MREG: variants seen among roughly 807,000 people sequenced by gnomAD.
MREG encodes dilute suppressor protein homolog.
A neutral mutation model predicts 28.5 loss-of-function variants in MREG; 31 were observed. That is an observed-to-expected ratio of 1.09 (90% CI 0.82 to 1.47). MREG has a LOEUF of 1.47. Ranked by LOEUF, MREG falls within the 40% of genes most tolerant of loss-of-function variation. The pLI is 0.00. For missense variants in MREG, 256 were observed against 257.4 expected, an observed-to-expected ratio of 0.99 and a Z score of 0.04; for synonymous variants, 106 against 95.2, an observed-to-expected ratio of 1.11 and a Z score of -0.66.
intron 2 of MREG, among the ~76,000 whole-genome samples, chr2:215,958,972 C>A (rs2105977607): frequency 6.6e-6 from 1 of 152,152 alleles, no homozygotes; most frequent in East Asian, 1.9e-4. Flanking sequence ...AGGAAAGCAA[C>A]AATATCCTGC....
chr2:216,033,683 C>G (rs1477416383), upstream of MREG: 1 of 152,368 alleles, frequency 6.6e-6, no homozygotes, highest in African/African-American at 2.4e-5. Flanking sequence ...GTGGGCCTAC[C>G]TATCTTGGAG....
intron 2 of MREG, among the ~76,000 whole-genome samples, chr2:215,978,868 T>C (rs772175106): frequency 6.6e-6 from 1 of 152,230 alleles, no homozygotes; most frequent in Non-Finnish European, 1.5e-5. Flanking sequence ...AAACTAGGTA[T>C]TGATGGAACA....
At chr2:215,993,792 G>C (rs982892357) in intron 2 of MREG, among the ~76,000 whole-genome samples, 1 of 152,010 alleles carries the variant, frequency 6.6e-6, no homozygotes, top group African/African-American at 2.4e-5. Context: ...ACATTTGTGC[G>C]GCCAACAAAC....
intron 3 of MREG, among the ~76,000 whole-genome samples, chr2:215,946,576 C>T (rs1463220448): frequency 6.6e-6 from 1 of 152,162 alleles, no homozygotes; most frequent in Non-Finnish European, 1.5e-5. Flanking sequence ...AAGTGTTTTT[C>T]CCAACCTCGA....
chr2:215,945,002 A>G lies in MREG; in HGVS notation c.511-5T>C. ...ATCAAGTGCAATGAGACGGTCCTGC[A>G]AAAACAAACAACAAACCAAAAAACT... On this transcript the variant is annotated splice_polypyrimidine_tract_variant and splice_region_variant and intron_variant, in intron 4 of 4. Coordinates refer to ENST00000263268, the MANE Select transcript of MREG (RefSeq NM_018000.3). 1 of 1,563,054 alleles carries G rather than the reference A, an allele frequency of 6.4e-7. No homozygotes were observed. Among genetic ancestry groups the G allele is most frequent in the Non-Finnish European group, 8.8e-7 (1 of 1,141,934 alleles).
upstream of MREG, among the ~76,000 whole-genome samples, chr2:216,013,861 G>A (rs79110444): frequency 6.6e-3 from 1,008 of 151,640 alleles, 42 homozygotes; most frequent in East Asian, 0.1. Context: ...TTTGATGTCA[G>A]CTCCACACAG....
chr2:216,004,433 T>C (rs1463603285), intron 1 of MREG, among the ~76,000 whole-genome samples: 1 of 151,996 alleles, frequency 6.6e-6, no homozygotes, highest in Non-Finnish European at 1.5e-5. Context: ...TCTCAAGTAC[T>C]TAAAACAGTG....
Position 216,031,691 on chromosome 2 carries a change from GAGAA to G in MREG, c.-68+1094_-68+1097del, listed in dbSNP as rs1395273679. 1.1e-3 allele frequency among the ~76,000 whole-genome samples: 66 copies of G among 61,160 alleles called. 3 individuals carry two copies. Among genetic ancestry groups the G allele is most frequent in the East Asian group, 1.3e-3 (2 of 1,600 alleles). 40.1% of individuals were successfully genotyped at this position (61,160 alleles called of 152,430 possible). On this transcript the variant is annotated intron_variant, in intron 1 of 3. Coordinates refer to the MREG transcript ENST00000420348. ...AGAAAGAAAGAAAGAAAGAAAGAAA[GAGAA>G]AGAAAGAAAGAAAGAAAGGGAAATG...
intron 2 of MREG, among the ~76,000 whole-genome samples, chr2:215,994,064 A>G (rs903032029): frequency 2.0e-5 from 3 of 151,988 alleles, no homozygotes; most frequent in African/African-American, 7.3e-5. Flanking sequence ...ATTACTGGGT[A>G]TATACCCAAA....
intron 2 of MREG, among the ~76,000 whole-genome samples, chr2:215,968,413 A>G (rs756952995): frequency 2.0e-5 from 3 of 152,234 alleles, no homozygotes; most frequent in East Asian, 1.9e-4. Flanking sequence ...TAAAATACAC[A>G]TGAAAGAAAG....
chr2:215,994,336 C>G lies in MREG; in HGVS notation c.255+1970G>C, dbSNP rs192317480. ...AACAGAAAACCAAACACCACATGTT[C>G]TCACTCATAAGTGGGAGCTGAAAAA... On this transcript the variant is annotated intron_variant, in intron 2 of 4. Coordinates refer to ENST00000263268, the MANE Select transcript of MREG (RefSeq NM_018000.3). Among the ~76,000 whole-genome samples, 249 of 151,838 alleles carry G rather than the reference C, an allele frequency of 1.6e-3. 7 individuals carry two copies. Among genetic ancestry groups the G allele is most frequent in the Middle Eastern group, 6.8e-3 (2 of 294 alleles).
At chr2:215,966,722 C>T (rs1333963433) in intron 2 of MREG, among the ~76,000 whole-genome samples, 1 of 152,052 alleles carries the variant, frequency 6.6e-6, no homozygotes, top group Non-Finnish European at 1.5e-5. Context: ...CTGCCTCAGC[C>T]TCCCAAGTAG....
chr2:216,030,024 T>C (rs954835136), intron 1 of MREG, among the ~76,000 whole-genome samples: 1 of 152,220 alleles, frequency 6.6e-6, no homozygotes. Flanking sequence ...GCCCCATCTT[T>C]GTGTTCACAT....
intron 2 of MREG, among the ~76,000 whole-genome samples, chr2:215,950,501 G>A (rs532850749): frequency 6.6e-6 from 1 of 152,116 alleles, no homozygotes; most frequent in South Asian, 2.1e-4. Flanking sequence ...TGCATCTTTG[G>A]ATCCCACCTT....
At chr2:215,986,702 G>A (rs1014414502) in intron 2 of MREG, among the ~76,000 whole-genome samples, 5 of 152,094 alleles carry the variant, frequency 3.3e-5, no homozygotes, top group African/African-American at 4.8e-5. Flanking sequence ...TCATACATAC[G>A]AGTTCCCCTG....
At chr2:216,028,088 C>T (rs1264294014) in intron 1 of MREG, among the ~76,000 whole-genome samples, 1 of 152,090 alleles carries the variant, frequency 6.6e-6, no homozygotes, top group East Asian at 1.9e-4. Context: ...AGAGTTTGGA[C>T]TTCTACACTA....
chr2:216,008,226 C>T (rs1211821235), intron 1 of MREG, among the ~76,000 whole-genome samples: 2 of 152,094 alleles, frequency 1.3e-5, no homozygotes, highest in Non-Finnish European at 2.9e-5. Flanking sequence ...AGTTCATCTT[C>T]CCTGCCCTCA....
Position 216,013,402 on chromosome 2 carries a change from G to A in MREG, c.-75C>T, listed in dbSNP as rs899638562. ...CGGCGAGCGATCGAGGCTGGGGCGC[G>A]GCCACCGCGCCAGCGTCCAGGTGCG... On this transcript the variant is annotated 5_prime_UTR_variant, in exon 1 of 5. Transcript: ENST00000263268. 2.8e-5 allele frequency: 31 copies of A among 1,115,720 alleles called. No individual in the cohort carries two copies. In the East Asian group the frequency reaches 7.0e-4, roughly 25 times the overall value. 69.1% of individuals were successfully genotyped at this position (1,115,720 alleles called of 1,614,324 possible).
chr2:215,962,899 G>T (rs769596971), intron 2 of MREG, among the ~76,000 whole-genome samples: 4 of 152,222 alleles, frequency 2.6e-5, no homozygotes, highest in Non-Finnish European at 5.9e-5. Flanking sequence ...AATTTGGGAG[G>T]CCAAAGCAGA....
Sources: gnomAD v4.1 joint callset for allele counts (sites outside exome capture counted in the v4.1 genomes callset) on GRCh38, gnomAD v4.1.1 for gene constraint, MANE v1.5 for transcripts, NCBI Gene and HGNC (gene_info 2026-07-23, HGNC 2026-07-21) for gene names.